OR2G6: variants seen among roughly 807,000 people sequenced by gnomAD.
The protein encoded by OR2G6 is olfactory receptor family 2 subfamily G member 6.
For synonymous variants in OR2G6, 183 were observed against 155.2 expected, an observed-to-expected ratio of 1.18 and a Z score of -1.33; for missense variants, 457 against 391.3, an observed-to-expected ratio of 1.17 and a Z score of -1.42.
Position 248,522,254 on chromosome 1 carries a change from G to T in OR2G6, c.608G>T (p.Ser203Ile), listed in dbSNP as rs1282494385. ...TFNEAELFVA[S>I]VVFLIVPVLL... ...AACGAGGCAGAACTCTTTGTGGCCAGTGTAGTCTTTCTAATTGTCCCGGTG... is the reference window on the plus strand; with the variant it reads ...AACGAGGCAGAACTCTTTGTGGCCATTGTAGTCTTTCTAATTGTCCCGGTG... The change falls in exon 2 of 2, where the codon AGT becomes ATT. Residue 203 changes from serine to isoleucine, a missense_variant. Coordinates refer to ENST00000641804, the MANE Select transcript of OR2G6 (RefSeq NM_001013355.2). 6.2e-7 allele frequency: 1 copy of T among 1,614,058 alleles called. No homozygotes were observed. Among genetic ancestry groups the T allele is most frequent in the East Asian group, 2.2e-5 (1 of 44,900 alleles).
Position 248,522,014 on chromosome 1 carries a change from A to G in OR2G6, c.368A>G (p.Tyr123Cys), listed in dbSNP as rs375643000. The G allele has an allele frequency of 3.3e-5, 53 of 1,614,012 alleles. No individual in the cohort carries two copies. The highest frequency in any genetic ancestry group is 5.1e-6 in the Non-Finnish European group (6 of 1,180,034). ...TTGGCCGTCATGGCTTATGACCGCTATGCTGCTGTCTGCCGGCCACTGCGC... is the reference window on the plus strand; with the variant it reads ...TTGGCCGTCATGGCTTATGACCGCTGTGCTGCTGTCTGCCGGCCACTGCGC... ...ILLAVMAYDRYAAVCRPLRYI... is the reference protein window; with the variant it reads ...ILLAVMAYDRCAAVCRPLRYI... Residue 123 changes from tyrosine to cysteine, a missense_variant, in exon 2 of 2, where the codon TAT becomes TGT. Coordinates refer to ENST00000641804, the MANE Select transcript of OR2G6 (RefSeq NM_001013355.2).
chr1:248,519,956 T>C (rs573289785), intron 1 of OR2G6, among the ~76,000 whole-genome samples: 1 of 96,526 alleles, frequency 1.0e-5, no homozygotes, highest in South Asian at 4.6e-4. Flanking sequence ...TATAAATCAT[T>C]CTATAAAGTC....
intron 1 of OR2G6, 106 bp from the exon 2 acceptor site, chr1:248,521,505 A>G: frequency 1.6e-6 from 1 of 635,810 alleles, no homozygotes; most frequent in South Asian, 2.0e-5. Context: ...ATAGGTCTTC[A>G]CAACATGTTT....
intron 1 of OR2G6, among the ~76,000 whole-genome samples, chr1:248,519,665 G>A (rs1664238653): frequency 1.3e-5 from 2 of 152,124 alleles, no homozygotes; most frequent in Admixed American, 1.3e-4. Flanking sequence ...TATTTCCGAG[G>A]CCTCTGTTCT....
rs1486775283 is a variant in OR2G6 at position 248,521,832 on chromosome 1, C to T, written c.186C>T (p.Phe62=). Residue 62 remains phenylalanine (F), a synonymous_variant, in exon 2 of 2, where the codon TTC becomes TTT. Transcript: ENST00000641804. ...GACTCCACACTCCAATGTACTTCTTCCTCAGCAACCTCTCGTGTGTGGACA... is the reference window on the plus strand; with the variant it reads ...GACTCCACACTCCAATGTACTTCTTTCTCAGCAACCTCTCGTGTGTGGACA... ...DSRLHTPMYF[F]LSNLSCVDIC... The T allele has an allele frequency of 1.2e-6, 2 of 1,614,168 alleles. No individual in the cohort carries two copies. Among genetic ancestry groups the T allele is most frequent in the Non-Finnish European group, 1.7e-6 (2 of 1,180,024 alleles).
chr1:248,521,469 C>A (rs141252001), intron 1 of OR2G6, 142 bp from the exon 2 acceptor site: 2 of 509,606 alleles, frequency 3.9e-6, no homozygotes, highest in African/African-American at 1.9e-5. Context: ...ATTTCCCGCC[C>A]ATGGATTTAT....
intron 1 of OR2G6, 61 bp from the exon 2 acceptor site, chr1:248,521,550 A>T: frequency 1.2e-6 from 1 of 845,012 alleles, no homozygotes. Context: ...TATACTGTAA[A>T]CGACTGTGGA....
At position 248,519,507 on chromosome 1, in the gene OR2G6, A is replaced by G. The variant is rs550928612; in HGVS notation, c.-36-2104A>G. Reference sequence around the variant, plus strand: ...TTAATCTATCTTGAGTTAATTTTTTATAAGATGTAAGGAAGAAGTCCAGTT... The same window carrying G: ...TTAATCTATCTTGAGTTAATTTTTTGTAAGATGTAAGGAAGAAGTCCAGTT... On this transcript the variant is annotated intron_variant, in intron 1 of 1. Coordinates refer to ENST00000641804, the MANE Select transcript of OR2G6 (RefSeq NM_001013355.2). 2.2e-4 allele frequency among the ~76,000 whole-genome samples: 33 copies of G among 151,862 alleles called. 1 individual carries two copies. The highest frequency in any genetic ancestry group is 5.2e-4 in the Admixed American group (8 of 15,244).
At position 248,521,687 on chromosome 1, in the gene OR2G6, T is replaced by C. The variant is rs755370885; in HGVS notation, c.41T>C (p.Leu14Pro). The C allele has an allele frequency of 2.5e-6, 4 of 1,613,992 alleles. No homozygotes were observed. The highest frequency in any genetic ancestry group is 3.4e-6 in the Non-Finnish European group (4 of 1,179,948). ...AACAGCTCTGAAAAGGGATTTCTTC[T>C]CCTGGGATTTTCAGATCAGCCTCAG... Reference protein sequence around the residue: ...TNNSSEKGFLLLGFSDQPQLE... With the variant: ...TNNSSEKGFLPLGFSDQPQLE... The change falls in exon 2 of 2, where the codon CTC becomes CCC. Residue 14 changes from leucine (L) to proline (P), a missense_variant. Leu to Pro is a moderately conservative substitution (Grantham distance 98, BLOSUM62 -3). Transcript: ENST00000641804.
intron 1 of OR2G6, among the ~76,000 whole-genome samples, chr1:248,508,868 CAT>C (rs1664204007): frequency 1.7e-5 from 2 of 118,828 alleles, no homozygotes; most frequent in South Asian, 3.3e-4. Flanking sequence ...GGGAAGGAAA[CAT>C]AATCTTAAAA....
Position 248,522,968 on chromosome 1 carries a change from C to A in OR2G6, c.*371C>A. On this transcript the variant is annotated 3_prime_UTR_variant, in exon 2 of 2. Transcript: ENST00000641804. ...GTATCCATTATTTCCTTCTAATGTGCCAGCCCATCTGATAGACTTCTACTA... is the reference window on the plus strand; with the variant it reads ...GTATCCATTATTTCCTTCTAATGTGACAGCCCATCTGATAGACTTCTACTA... 1 of 188,704 alleles carries A rather than the reference C, an allele frequency of 5.3e-6. No individual in the cohort carries two copies. The highest frequency in any genetic ancestry group is 5.4e-5 in the Admixed American group (1 of 18,534). 11.7% of individuals were successfully genotyped at this position (188,704 alleles called of 1,614,324 possible). A position where few individuals can be genotyped will look rare whatever the true frequency, so the allele number is the denominator to read the frequency against.
At chr1:248,521,311 G>GAACATATA (rs1664280912) in intron 1 of OR2G6, among the ~76,000 whole-genome samples, 1 of 152,066 alleles carries the variant, frequency 6.6e-6, no homozygotes, top group Non-Finnish European at 1.5e-5. Context: ...TACATCATTT[G>GAACATATA]AACATATAAA....
intron 1 of OR2G6, among the ~76,000 whole-genome samples, chr1:248,520,821 C>T (rs1290907848): frequency 6.7e-6 from 1 of 149,954 alleles, no homozygotes; most frequent in East Asian, 1.9e-4. Flanking sequence ...CCAGCCTGGC[C>T]AACATGGTGA....
At position 248,525,172 on chromosome 1, in the gene OR2G6, C is replaced by T. The variant is rs1010316460; in HGVS notation, c.*2575C>T. On this transcript the variant is annotated 3_prime_UTR_variant, in exon 2 of 2. Coordinates refer to ENST00000641804, the MANE Select transcript of OR2G6 (RefSeq NM_001013355.2). ...GTAGTTTCTCTTTTTTAAATACCTA[C>T]ATTGAGCATACTTTTGTTTGTGAAT... The T allele has an allele frequency of 1.3e-5, 2 of 152,088 alleles. No individual in the cohort carries two copies. Among genetic ancestry groups the T allele is most frequent in the African/African-American group, 4.8e-5 (2 of 41,422 alleles). 9.4% of individuals were successfully genotyped at this position (152,088 alleles called of 1,614,324 possible). A position where few individuals can be genotyped will look rare whatever the true frequency, so the allele number is the denominator to read the frequency against.
chr1:248,519,519 G>A, intron 1 of OR2G6, among the ~76,000 whole-genome samples: 1 of 151,898 alleles, frequency 6.6e-6, no homozygotes, highest in Admixed American at 6.6e-5. Flanking sequence ...AAGATGTAAG[G>A]AAGAAGTCCA....
At chr1:248,508,841 A>C (rs1331037506) in intron 1 of OR2G6, among the ~76,000 whole-genome samples, 1 of 87,222 alleles carries the variant, frequency 1.1e-5, no homozygotes, top group Non-Finnish European at 1.9e-5. Context: ...CTTATTATAA[A>C]TGTTTTTTAA....
Position 248,525,366 on chromosome 1 carries a change from A to C in OR2G6, c.*2769A>C, listed in dbSNP as rs1444423760. ...TAGTTAAATGACCATTCAGTATTGCAATTATTTAAAAACTATACAATGAGA... is the reference window on the plus strand; with the variant it reads ...TAGTTAAATGACCATTCAGTATTGCCATTATTTAAAAACTATACAATGAGA... On this transcript the variant is annotated 3_prime_UTR_variant, in exon 2 of 2. Coordinates refer to ENST00000641804, the MANE Select transcript of OR2G6 (RefSeq NM_001013355.2). 6.6e-6 allele frequency: 1 copy of C among 152,186 alleles called. No homozygotes were observed. The highest frequency in any genetic ancestry group is 2.4e-5 in the African/African-American group (1 of 41,468). 9.4% of individuals were successfully genotyped at this position (152,186 alleles called of 1,614,324 possible).
rs1664308773 is a variant in OR2G6, at chr1:248,522,339, T to C, written c.693T>C (p.Ala231=). The C allele has an allele frequency of 3.1e-6, 5 of 1,614,198 alleles. No homozygotes were observed. The East Asian group carries it at 1.1e-4, about 36-fold the overall frequency. ...AAGCTGTGTTAAGGATAAAATCAGCTGCGGGCCGCCAAAAGGCCTTTGGGA... is the reference window on the plus strand; with the variant it reads ...AAGCTGTGTTAAGGATAAAATCAGCCGCGGGCCGCCAAAAGGCCTTTGGGA... ...ITQAVLRIKS[A]AGRQKAFGTC... Residue 231 remains alanine (A), a synonymous_variant, in exon 2 of 2, where the codon GCT becomes GCC. Transcript: ENST00000641804.
At chr1:248,521,179 C>T (rs183067005) in intron 1 of OR2G6, among the ~76,000 whole-genome samples, 22 of 151,876 alleles carry the variant, frequency 1.4e-4, no homozygotes, top group East Asian at 3.9e-4. Context: ...ACAGAGATCA[C>T]GGCACTGTAC....
Sources: gnomAD v4.1 joint callset for allele counts (sites outside exome capture counted in the v4.1 genomes callset) on GRCh38, gnomAD v4.1.1 for gene constraint, MANE v1.5 for transcripts, NCBI Gene and HGNC (gene_info 2026-07-23, HGNC 2026-07-21) for gene names.